The following KYNU variants were observed in gnomAD, a reference collection of about 807,000 sequenced individuals.
The protein encoded by KYNU is L-kynurenine hydrolase.
KYNU carries 54 observed loss-of-function variants against 59.2 expected under a neutral mutation model. That is an observed-to-expected ratio of 0.91 (90% confidence interval 0.73 to 1.14). The LOEUF is 1.14. KYNU is among the 50% of genes most tolerant of loss of function. KYNU has a pLI of 0.00. For missense variants in KYNU, 567 were observed against 554.4 expected, an observed-to-expected ratio of 1.02 and a Z score of -0.23; for synonymous variants, 177 against 192.0, an observed-to-expected ratio of 0.92 and a Z score of 0.65.
chr2:142,949,967 G>T (rs1683933294), intron 4 of KYNU, among the ~76,000 whole-genome samples: 1 of 152,072 alleles, frequency 6.6e-6, no homozygotes, highest in Admixed American at 6.6e-5. Flanking sequence ...AGTTTCTTCT[G>T]CCAGATACCC....
At chr2:142,941,339 T>G (rs1683594512) in intron 4 of KYNU, among the ~76,000 whole-genome samples, 1 of 152,220 alleles carries the variant, frequency 6.6e-6, no homozygotes, top group African/African-American at 2.4e-5. Context: ...AACCAAATAT[T>G]TCTTGTTATA....
chr2:142,922,076 G>C (rs1345409861), intron 3 of KYNU, among the ~76,000 whole-genome samples: 1 of 152,136 alleles, frequency 6.6e-6, no homozygotes. Flanking sequence ...CTCAAGCCAG[G>C]TCAGTGACTC....
At chr2:142,938,948 C>A (rs1012882647) in intron 4 of KYNU, among the ~76,000 whole-genome samples, 1 of 151,378 alleles carries the variant, frequency 6.6e-6, no homozygotes, top group Non-Finnish European at 1.5e-5. Context: ...TAGTGAGACC[C>A]CGTCTCTACA....
At chr2:142,949,812 T>A (rs1365327349) in intron 4 of KYNU, among the ~76,000 whole-genome samples, 3 of 152,230 alleles carry the variant, frequency 2.0e-5, no homozygotes, top group Non-Finnish European at 4.4e-5. Flanking sequence ...TGCAGCTACC[T>A]TGAATTTCTT....
At chr2:142,893,628 G>C (rs180993905) in intron 2 of KYNU, among the ~76,000 whole-genome samples, 2 of 152,206 alleles carry the variant, frequency 1.3e-5, no homozygotes, top group East Asian at 3.9e-4. Context: ...CAAGGTGGGG[G>C]CTTGAATATG....
intron 11 of KYNU, 37 bp from the exon 12 acceptor site, chr2:143,033,199 T>G: frequency 7.1e-7 from 1 of 1,415,610 alleles, no homozygotes; most frequent in Non-Finnish European, 1.0e-6. Flanking sequence ...CTTTTAAAGT[T>G]ACCTTCTATG....
At chr2:142,880,463 A>T (rs1681256155) in intron 1 of KYNU, among the ~76,000 whole-genome samples, 1 of 152,166 alleles carries the variant, frequency 6.6e-6, no homozygotes, top group South Asian at 2.1e-4. Context: ...TTGCTGCTGG[A>T]ATCACTTCAT....
Position 143,049,709 on chromosome 2 carries a change from C to T in KYNU, c.*7537C>T, listed in dbSNP as rs1417537370. 6.6e-6 allele frequency: 1 copy of T among 152,164 alleles called. No individual in the cohort carries two copies. Among genetic ancestry groups the T allele is most frequent in the Non-Finnish European group, 1.5e-5 (1 of 68,036 alleles). The allele number at this position is 152,164 out of a possible 1,614,324, so 9.4% of individuals were successfully genotyped here. ...GGTGTCACGGGAACCTGATCTAAGT[C>T]AGCATTTTCTTTATTCTTAATCACA... On this transcript the variant is annotated 3_prime_UTR_variant, in exon 14 of 14. Coordinates refer to ENST00000264170, the MANE Select transcript of KYNU (RefSeq NM_003937.3).
intron 4 of KYNU, among the ~76,000 whole-genome samples, chr2:142,940,039 T>A (rs1380241743): frequency 6.6e-6 from 1 of 152,230 alleles, no homozygotes; most frequent in Admixed American, 6.5e-5. Flanking sequence ...CTGTCAGAAT[T>A]ACCTAGAGCA....
intron 4 of KYNU, chr2:142,947,068 G>T (rs139552121): frequency 6.4e-7 from 1 of 1,550,740 alleles, no homozygotes; most frequent in Non-Finnish European, 8.7e-7. Flanking sequence ...CAACTCCTGT[G>T]ACTAATGTCA....
intron 4 of KYNU, chr2:142,947,226 T>G: frequency 6.5e-7 from 1 of 1,550,136 alleles, no homozygotes; most frequent in Non-Finnish European, 8.7e-7. Context: ...AGTGGAGTTC[T>G]CTAAACTGAA....
chr2:143,043,184 T>G lies in KYNU; in HGVS notation c.*1012T>G, dbSNP rs1477142005. 1 of 151,994 alleles carries G rather than the reference T, an allele frequency of 6.6e-6. No individual in the cohort carries two copies. The highest frequency in any genetic ancestry group is 1.5e-5 in the Non-Finnish European group (1 of 67,936). The allele number at this position is 151,994 out of a possible 1,614,324, so 9.4% of individuals were successfully genotyped here. A position where few individuals can be genotyped will look rare whatever the true frequency, so the allele number is the denominator to read the frequency against. ...TAGATATTATATTACTATGTTTCCA[T>G]AGTAAATAAATAACCCCAAGATCTT... On this transcript the variant is annotated 3_prime_UTR_variant, in exon 14 of 14. Transcript: ENST00000264170.
intron 6 of KYNU, among the ~76,000 whole-genome samples, chr2:142,956,750 GT>G (rs1415694931): frequency 7.9e-5 from 12 of 152,026 alleles, no homozygotes; most frequent in Non-Finnish European, 1.5e-4. Context: ...AATATTTCTT[GT>G]GATTTACTAA....
At chr2:143,017,443 T>TC (rs1553489597) in intron 10 of KYNU, among the ~76,000 whole-genome samples, 1 of 136,876 alleles carries the variant, frequency 7.3e-6, no homozygotes, top group Non-Finnish European at 1.6e-5. Flanking sequence ...TCTTTTTTTT[T>TC]TTTTTTTTTT....
rs1484761785 is a variant in KYNU at position 143,048,682 on chromosome 2, G to C, written c.*6510G>C. The C allele has an allele frequency of 6.6e-6, 1 of 152,110 alleles. No homozygotes were observed. The highest frequency in any genetic ancestry group is 1.9e-4 in the East Asian group (1 of 5,194). The allele number at this position is 152,110 out of a possible 1,614,324, so 9.4% of individuals were successfully genotyped here. On this transcript the variant is annotated 3_prime_UTR_variant, in exon 14 of 14. Transcript: ENST00000264170. ...AGTTTCACTTCATATAGAATTCTAT[G>C]TCGACAGTAATTTTCTTTCAGGAAG...
intron 13 of KYNU, among the ~76,000 whole-genome samples, chr2:143,041,484 A>G (rs1687059188): frequency 6.6e-6 from 1 of 152,058 alleles, no homozygotes; most frequent in African/African-American, 2.4e-5. Context: ...TTGGATTGAA[A>G]TGGGACAGCA....
In KYNU at chr2:143,054,781, AG is replaced by A. The variant is rs1484894698; in HGVS notation, c.*12610del. 2 of 152,110 alleles carry A rather than the reference AG, an allele frequency of 1.3e-5. No individual in the cohort carries two copies. The highest frequency in any genetic ancestry group is 3.8e-4 in the East Asian group (2 of 5,198). The allele number at this position is 152,110 out of a possible 1,614,324, so 9.4% of individuals were successfully genotyped here. A position where few individuals can be genotyped will look rare whatever the true frequency, so the allele number is the denominator to read the frequency against. On this transcript the variant is annotated 3_prime_UTR_variant, in exon 14 of 14. Coordinates refer to ENST00000264170, the MANE Select transcript of KYNU (RefSeq NM_003937.3). ...GCTGATTGGATTTATTCAACATGTC[AG>A]TGGCATGAATACAATAGGAGGCAGG...
chr2:142,921,098 A>C (rs1682865920), intron 3 of KYNU, among the ~76,000 whole-genome samples: 1 of 152,228 alleles, frequency 6.6e-6, no homozygotes, highest in Non-Finnish European at 1.5e-5. Context: ...ACACTCAGAT[A>C]CAAGAATTCT....
chr2:142,962,896 A>G (rs912857317), intron 8 of KYNU, among the ~76,000 whole-genome samples: 1 of 152,228 alleles, frequency 6.6e-6, no homozygotes, highest in African/African-American at 2.4e-5. Context: ...ATCTGTGAAT[A>G]AAACTGAAGA....
Sources: gnomAD v4.1 joint callset for allele counts (sites outside exome capture counted in the v4.1 genomes callset) on GRCh38, gnomAD v4.1.1 for gene constraint, MANE v1.5 for transcripts, NCBI Gene and HGNC (gene_info 2026-07-23, HGNC 2026-07-21) for gene names.